Variants in CERT1 observed in about 807,000 individuals in gnomAD.
CERT1 encodes the protein ceramide transfer protein.
CERT1 carries 31 observed loss-of-function variants against 87.9 expected under a neutral mutation model. The observed-to-expected ratio is 0.35, with a 90% CI of 0.27 to 0.48. CERT1 has a LOEUF of 0.48. Among genes scored for constraint, CERT1 ranks in the 20% least tolerant of loss-of-function variants. CERT1 has a pLI of 0.99. For missense variants in CERT1, 487 were observed against 758.0 expected (o/e 0.64, Z 4.20); for synonymous variants, 289 against 250.9 (o/e 1.15, Z -1.44).
rs1561217939 is a variant in CERT1, at chr5:75,378,091, T to G, written c.*1255A>C. The G allele has an allele frequency of 6.6e-6, 1 of 152,224 alleles. No homozygotes were observed. Among genetic ancestry groups the G allele is most frequent in the Non-Finnish European group, 1.5e-5 (1 of 68,064 alleles). 9.4% of individuals were successfully genotyped at this position (152,224 alleles called of 1,614,324 possible). A position where few individuals can be genotyped will look rare whatever the true frequency, so the allele number is the denominator to read the frequency against. ...CCACTGCACCTGGCCACTTTTGGCT[T>G]TTAATCATGTTAACGTATCACTTAC... On this transcript the variant is annotated 3_prime_UTR_variant, in exon 17 of 17. Coordinates refer to ENST00000643780, the MANE Select transcript of CERT1 (RefSeq NM_001379029.1).
intron 2 of CERT1, among the ~76,000 whole-genome samples, chr5:75,462,966 C>T (rs1391012085): frequency 2.2e-5 from 3 of 133,412 alleles, no homozygotes; most frequent in Admixed American, 8.2e-5. Flanking sequence ...TACTCCAGCC[C>T]GGCGACAGAG....
intron 2 of CERT1, among the ~76,000 whole-genome samples, chr5:75,490,656 G>A (rs908303099): frequency 2.0e-5 from 3 of 151,730 alleles, no homozygotes; most frequent in South Asian, 4.2e-4. Context: ...CCACCACCAC[G>A]CCTGGCTAAT....
intron 8 of CERT1, among the ~76,000 whole-genome samples, chr5:75,404,311 AAAAC>A (rs1187462973): frequency 6.6e-6 from 1 of 151,822 alleles, no homozygotes; most frequent in African/African-American, 2.4e-5. Context: ...AAAAAAAAAA[AAAAC>A]AACTTTCTAT....
At chr5:75,506,326 T>C (rs1767649733) in intron 1 of CERT1, among the ~76,000 whole-genome samples, 2 of 152,216 alleles carry the variant, frequency 1.3e-5, no homozygotes, top group South Asian at 4.1e-4. Flanking sequence ...TTTACAATAT[T>C]ATAAATAAAT....
At chr5:75,480,195 T>G (rs1766170019) in intron 2 of CERT1, among the ~76,000 whole-genome samples, 1 of 152,232 alleles carries the variant, frequency 6.6e-6, no homozygotes, top group African/African-American at 2.4e-5. Flanking sequence ...CTACATCATT[T>G]ACATAATATT....
chr5:75,475,010 A>G (rs564710015), intron 2 of CERT1, among the ~76,000 whole-genome samples: 1 of 152,150 alleles, frequency 6.6e-6, no homozygotes, highest in East Asian at 1.9e-4. Context: ...CCAACTAGCT[A>G]TATCTAGTAC....
chr5:75,429,175 G>GAAT (rs35760935), intron 3 of CERT1, among the ~76,000 whole-genome samples: 24,125 of 143,644 alleles, frequency 0.17, 2,499 homozygotes, highest in African/African-American at 0.28. Context: ...AATAGAAACT[G>GAAT]AATAATAATA....
At chr5:75,511,007 C>T (rs539513461) in intron 1 of CERT1, 105 bp downstream of exon 1, 2 of 1,393,764 alleles carry the variant, frequency 1.4e-6, no homozygotes, top group African/African-American at 1.5e-5. Context: ...GCCTCGCACC[C>T]CGGCACGTTC....
chr5:75,423,898 C>T (rs1405756443), intron 5 of CERT1, among the ~76,000 whole-genome samples: 8 of 151,682 alleles, frequency 5.3e-5, no homozygotes, highest in Admixed American at 5.3e-4. Flanking sequence ...CCAAAGAAGG[C>T]AGAAAAAGGG....
chr5:75,375,360 G>C (rs936246058), downstream of CERT1: 1 of 151,894 alleles, frequency 6.6e-6, no homozygotes, highest in South Asian at 2.1e-4. Flanking sequence ...TGAGGCAGGC[G>C]GATTGCTTGA....
downstream of CERT1, chr5:75,373,241 T>C (rs1284438857): frequency 6.6e-6 from 1 of 152,162 alleles, no homozygotes; most frequent in Non-Finnish European, 1.5e-5. Context: ...ATACCAGAAA[T>C]ATTGAATTAA....
At chr5:75,453,942 C>A (rs533538347) in intron 3 of CERT1, among the ~76,000 whole-genome samples, 2 of 152,174 alleles carry the variant, frequency 1.3e-5, no homozygotes, top group South Asian at 2.1e-4. Flanking sequence ...GGAAAAGAAA[C>A]CCCCGACCTC....
At chr5:75,438,118 T>C (rs1169743460) in intron 3 of CERT1, among the ~76,000 whole-genome samples, 1 of 152,170 alleles carries the variant, frequency 6.6e-6, no homozygotes, top group Non-Finnish European at 1.5e-5. Flanking sequence ...ACTCATTATA[T>C]TAAAGGAAGA....
downstream of CERT1, chr5:75,373,910 T>G (rs1338031482): frequency 5.1e-6 from 2 of 394,656 alleles, no homozygotes; most frequent in Non-Finnish European, 8.9e-6. Flanking sequence ...GATTCAAAGT[T>G]GATTTTTTTT....
intron 2 of CERT1, among the ~76,000 whole-genome samples, chr5:75,493,302 T>C (rs1007567055): frequency 2.0e-5 from 3 of 152,210 alleles, no homozygotes; most frequent in Non-Finnish European, 2.9e-5. Flanking sequence ...CTGAAGCAAA[T>C]TCTAAACATA....
chr5:75,393,030 T>A (rs1438919583), intron 11 of CERT1, among the ~76,000 whole-genome samples: 11 of 111,024 alleles, frequency 9.9e-5, no homozygotes, highest in Admixed American at 8.7e-4. Context: ...TAAGTTTCAT[T>A]AAAAAAAAAA....
downstream of CERT1, chr5:75,374,411 A>G: frequency 1.8e-6 from 1 of 564,488 alleles, no homozygotes; most frequent in African/African-American, 1.9e-5. Flanking sequence ...GAATTTTTCA[A>G]AAGTTAGAAA....
At chr5:75,451,095 A>T (rs989500650) in intron 3 of CERT1, among the ~76,000 whole-genome samples, 1 of 152,234 alleles carries the variant, frequency 6.6e-6, no homozygotes, top group South Asian at 2.1e-4. Context: ...TATAAAAACT[A>T]AAGGGGGTTG....
rs1412491265 is a variant in CERT1, at chr5:75,502,564, A to G, written c.231+3418T>C. 2.6e-5 allele frequency among the ~76,000 whole-genome samples: 4 copies of G among 152,138 alleles called. No individual in the cohort carries two copies. The East Asian group carries it at 7.7e-4, about 29-fold the overall frequency. On this transcript the variant is annotated intron_variant, in intron 2 of 16. Transcript: ENST00000643780. ...TTGTATTAAAACAAGGTGCAGAACA[A>G]TAGGCTTAATATGATACCATTTGTG... is the stretch of plus-strand genomic sequence containing the variant.
Sources: gnomAD v4.1 joint callset for allele counts (sites outside exome capture counted in the v4.1 genomes callset) on GRCh38, gnomAD v4.1.1 for gene constraint, MANE v1.5 for transcripts, NCBI Gene and HGNC (gene_info 2026-07-23, HGNC 2026-07-21) for gene names.